TRIM14: variants seen among roughly 807,000 people sequenced by gnomAD.
TRIM14 encodes the protein tripartite motif-containing protein 14.
In TRIM14, 28 loss-of-function variants were observed where a neutral mutation model predicts 44.5. That is an observed-to-expected ratio of 0.63 (90% CI 0.47 to 0.86). The LOEUF is 0.86. Among genes scored for constraint, TRIM14 ranks in the 40% least tolerant of loss-of-function variants. The pLI is 0.00. For synonymous variants in TRIM14, 299 were observed against 269.2 expected (o/e 1.11, Z -1.08); for missense variants, 607 against 611.1 (o/e 0.99, Z 0.07).
intron 4 of TRIM14, 34 bp from the exon 5 acceptor site, chr9:98,092,035 G>T: frequency 6.6e-7 from 1 of 1,518,694 alleles, no homozygotes. Context: ...AGCGCCCGGA[G>T]CTTATGCAAG....
chr9:98,116,562 C>T (rs538777033), intron 1 of TRIM14, among the ~76,000 whole-genome samples: 6 of 152,020 alleles, frequency 3.9e-5, no homozygotes, highest in South Asian at 2.1e-4. Context: ...CCAGGCCAGG[C>T]GTGGTGTTTC....
At chr9:98,070,807 AT>A (rs11464981) in intron 6 of TRIM14, among the ~76,000 whole-genome samples, 526 of 144,484 alleles carry the variant, frequency 3.6e-3, no homozygotes, top group African/African-American at 4.3e-3. Flanking sequence ...CTCTTTAGTA[AT>A]TTTTTTTTTT....
chr9:98,051,435 T>C, the TRIM14 span, among the ~76,000 whole-genome samples: 15 of 152,216 alleles, frequency 9.9e-5, no homozygotes, highest in Non-Finnish European at 1.9e-4. Flanking sequence ...TCTGTGCCAG[T>C]AAGTAATCTA....
intron 2 of TRIM14, among the ~76,000 whole-genome samples, chr9:98,103,190 A>G (rs1003694829): frequency 6.6e-6 from 1 of 152,014 alleles, no homozygotes; most frequent in Admixed American, 6.5e-5. Context: ...ATCTCCAAAA[A>G]CAAACAACAA....
chr9:98,049,014 T>G, the TRIM14 span, among the ~76,000 whole-genome samples: 1 of 150,762 alleles, frequency 6.6e-6, no homozygotes, highest in Non-Finnish European at 1.5e-5. Context: ...AGCAAGACTC[T>G]GTCTCAGAAA....
chr9:98,099,044 T>C (rs1446887091), intron 3 of TRIM14, among the ~76,000 whole-genome samples: 1 of 152,124 alleles, frequency 6.6e-6, no homozygotes, highest in Non-Finnish European at 1.5e-5. Context: ...AGACTCTTCC[T>C]CAACAAAGCC....
chr9:98,094,288 C>T (rs1208645377), intron 4 of TRIM14, among the ~76,000 whole-genome samples: 1 of 152,188 alleles, frequency 6.6e-6, no homozygotes, highest in Admixed American at 6.5e-5. Flanking sequence ...ATGTTTTGTG[C>T]CAGGCCCTGG....
At chr9:98,100,185 T>C (rs1194770718) in intron 2 of TRIM14, 21 bp from the exon 3 acceptor site, 1 of 1,602,502 alleles carries the variant, frequency 6.2e-7, no homozygotes, top group African/African-American at 1.3e-5. Flanking sequence ...AAAAACCAGT[T>C]GCAGATGACA....
chr9:98,068,718 C>T (rs573802067), downstream of TRIM14, among the ~76,000 whole-genome samples: 5 of 150,644 alleles, frequency 3.3e-5, no homozygotes, highest in African/African-American at 9.8e-5. Context: ...GAGGCTGAGG[C>T]AGGAAGGCGG....
the TRIM14 span, among the ~76,000 whole-genome samples, chr9:98,053,932 G>A: frequency 6.6e-6 from 1 of 152,208 alleles, no homozygotes; most frequent in East Asian, 1.9e-4. Flanking sequence ...AACATTTTCC[G>A]TCTCAGCTGA....
At chr9:98,093,269 C>T (rs1269500812) in intron 4 of TRIM14, among the ~76,000 whole-genome samples, 1 of 152,172 alleles carries the variant, frequency 6.6e-6, no homozygotes, top group Non-Finnish European at 1.5e-5. Flanking sequence ...CCCATCGCGC[C>T]TCAGGACCTC....
chr9:98,073,949 C>T (rs1343396926), intron 6 of TRIM14, among the ~76,000 whole-genome samples: 2 of 151,932 alleles, frequency 1.3e-5, no homozygotes, highest in Non-Finnish European at 2.9e-5. Flanking sequence ...ACACACCCGG[C>T]TAATTTTTAT....
the TRIM14 span, among the ~76,000 whole-genome samples, chr9:98,053,183 C>T: frequency 9.2e-5 from 14 of 152,302 alleles, no homozygotes; most frequent in African/African-American, 2.4e-4. Context: ...ACTGAGCTAC[C>T]GCATTAAGCA....
downstream of TRIM14, among the ~76,000 whole-genome samples, chr9:98,065,509 T>TTTTTTTTTTTTTTTTTTTTTG: frequency 7.0e-6 from 1 of 142,800 alleles, no homozygotes; most frequent in African/African-American, 2.7e-5. Context: ...TTTTTTTTTT[T>TTTTTTTTTTTTTTTTTTTTTG]TGTATTTTTA....
downstream of TRIM14, among the ~76,000 whole-genome samples, chr9:98,066,242 T>C (rs1829144320): frequency 6.6e-6 from 1 of 152,198 alleles, no homozygotes; most frequent in Non-Finnish European, 1.5e-5. Flanking sequence ...TTCCAAAGTG[T>C]GGTTCAGGAA....
At chr9:98,103,134 G>A (rs1478870021) in intron 2 of TRIM14, among the ~76,000 whole-genome samples, 6 of 151,898 alleles carry the variant, frequency 4.0e-5, no homozygotes, top group East Asian at 1.9e-4. Context: ...GCAGTGAGCC[G>A]AGATCATGCC....
chr9:98,037,393 C>T, the TRIM14 span, among the ~76,000 whole-genome samples: 1 of 151,504 alleles, frequency 6.6e-6, no homozygotes, highest in African/African-American at 2.4e-5. Flanking sequence ...AACAAACAAA[C>T]AAAAAAAAGT....
the TRIM14 span, among the ~76,000 whole-genome samples, chr9:98,058,572 G>A: frequency 6.6e-6 from 1 of 152,164 alleles, no homozygotes; most frequent in African/African-American, 2.4e-5. Flanking sequence ...GGAGCAGTCT[G>A]TTTTTCCTCT....
chr9:98,101,845 C>G (rs1826404891), intron 2 of TRIM14, among the ~76,000 whole-genome samples: 1 of 151,914 alleles, frequency 6.6e-6, no homozygotes, highest in East Asian at 1.9e-4. Context: ...AGCTTCTACA[C>G]ATAGAGAATA....
Sources: allele counts gnomAD v4.1 joint callset (sites outside exome capture counted in the v4.1 genomes callset), GRCh38; gene constraint gnomAD v4.1.1; transcripts MANE v1.5; gene names NCBI Gene and HGNC (gene_info 2026-07-23, HGNC 2026-07-21).